The following TSPAN9 variants were observed in gnomAD, a reference collection of about 807,000 sequenced individuals.
The protein encoded by TSPAN9 is tetraspanin 9.
TSPAN9 carries 16 observed loss-of-function variants against 31.0 expected under a neutral mutation model. That is an observed-to-expected ratio of 0.52 (90% CI 0.35 to 0.78). The LOEUF is 0.78. Ranked by LOEUF, TSPAN9 falls within the 30% of genes least tolerant of loss-of-function variation. The probability of loss-of-function intolerance (pLI) is 0.01; values close to 1 mark genes in which losing one functional copy is unlikely to be tolerated. For synonymous variants in TSPAN9, 145 were observed against 121.6 expected (o/e 1.19, Z -1.27); for missense variants, 272 against 312.5 (o/e 0.87, Z 0.98).
chr12:3,104,269 A>G (rs1337107381), intron 2 of TSPAN9, among the ~76,000 whole-genome samples: 1 of 152,114 alleles, frequency 6.6e-6, no homozygotes, highest in Admixed American at 6.5e-5. Flanking sequence ...GAGAGCTGGC[A>G]TACATTTCAA....
At chr12:3,088,031 C>T (rs10848790) in intron 2 of TSPAN9, among the ~76,000 whole-genome samples, 4,367 of 152,292 alleles carry the variant, frequency 0.029, 89 homozygotes, top group Middle Eastern at 0.051. Flanking sequence ...TCCCCAGCCC[C>T]GTCTCAGGGC....
At chr12:3,165,760 G>A (rs76405513) in intron 2 of TSPAN9, among the ~76,000 whole-genome samples, 1 of 152,140 alleles carries the variant, frequency 6.6e-6, no homozygotes, top group African/African-American at 2.4e-5. Flanking sequence ...ACTGAGCAGA[G>A]GTTTAATTTA....
At chr12:3,175,254 A>AGC (rs1258467215) in intron 2 of TSPAN9, among the ~76,000 whole-genome samples, 1 of 152,106 alleles carries the variant, frequency 6.6e-6, no homozygotes, top group African/African-American at 2.4e-5. Flanking sequence ...GTGGCACGAG[A>AGC]GCGGTCAGTC....
chr12:3,159,860 C>T (rs2153969346), intron 2 of TSPAN9, among the ~76,000 whole-genome samples: 1 of 152,314 alleles, frequency 6.6e-6, no homozygotes, highest in African/African-American at 2.4e-5. Context: ...TTGGACTCAG[C>T]CTCCAGAATC....
chr12:3,086,257 C>G (rs1460356421), intron 2 of TSPAN9, among the ~76,000 whole-genome samples: 1 of 152,128 alleles, frequency 6.6e-6, no homozygotes, highest in African/African-American at 2.4e-5. Flanking sequence ...AGAAGAACCC[C>G]TTTGCTGGCA....
chr12:3,185,242 A>G (rs951274655), intron 2 of TSPAN9, among the ~76,000 whole-genome samples: 1 of 152,146 alleles, frequency 6.6e-6, no homozygotes, highest in African/African-American at 2.4e-5. Flanking sequence ...CTCGGCGGAT[A>G]AGCTATCTCA....
intron 2 of TSPAN9, among the ~76,000 whole-genome samples, chr12:3,133,316 T>A (rs1290472575): frequency 1.3e-5 from 2 of 152,182 alleles, no homozygotes; most frequent in Admixed American, 6.5e-5. Context: ...AAGTACACAG[T>A]TTGGTCATCT....
intron 3 of TSPAN9, among the ~76,000 whole-genome samples, chr12:3,225,678 C>T (rs2098386840): frequency 2.0e-5 from 3 of 152,082 alleles, no homozygotes; most frequent in Admixed American, 6.5e-5. Context: ...CGGCCCCCCG[C>T]CCTCCACAAT....
chr12:3,281,004 A>C (rs1360197746), intron 6 of TSPAN9, among the ~76,000 whole-genome samples, 194 bp from the exon 7 acceptor site: 2 of 152,150 alleles, frequency 1.3e-5, no homozygotes, highest in Admixed American at 1.3e-4. Context: ...TCCAGGAAGG[A>C]GTGCTCACTC....
chr12:3,143,732 A>G lies in TSPAN9; in HGVS notation c.-17-57445A>G, dbSNP rs990764757. 6.6e-6 allele frequency among the ~76,000 whole-genome samples: 1 copy of G among 152,232 alleles called. No homozygotes were observed. Among genetic ancestry groups the G allele is most frequent in the Admixed American group, 6.5e-5 (1 of 15,288 alleles). ...TTGGCCATGGGAAGCTCTAGGGAGC[A>G]CTTTCAGATGGGCTTCTGTGCCCTT... On this transcript the variant is annotated intron_variant, in intron 2 of 8. Coordinates refer to ENST00000011898, the MANE Select transcript of TSPAN9 (RefSeq NM_006675.5). This position sits in a 1 kb window ranked among gnomAD's most constrained non-coding sequence, Gnocchi z 4.2.
At chr12:3,159,874 A>G (rs2098344111) in intron 2 of TSPAN9, among the ~76,000 whole-genome samples, 1 of 152,248 alleles carries the variant, frequency 6.6e-6, no homozygotes, top group Non-Finnish European at 1.5e-5. Context: ...CAGAATCATG[A>G]GAAAATAAAC....
chr12:3,096,979 A>G (rs1036602474), intron 2 of TSPAN9, among the ~76,000 whole-genome samples: 3 of 152,072 alleles, frequency 2.0e-5, no homozygotes, highest in African/African-American at 4.8e-5. Flanking sequence ...ATTACAGAGG[A>G]TCTTTCTTAA....
chr12:3,088,441 A>C (rs1170465238), intron 2 of TSPAN9, among the ~76,000 whole-genome samples: 4 of 137,758 alleles, frequency 2.9e-5, no homozygotes, highest in Non-Finnish European at 6.3e-5. Context: ...GCTGCTGGGG[A>C]TGGGTGGGGC....
At chr12:3,231,670 C>T (rs1370301272) in intron 3 of TSPAN9, among the ~76,000 whole-genome samples, 5 of 152,242 alleles carry the variant, frequency 3.3e-5, no homozygotes, top group Admixed American at 6.5e-5. Context: ...AACAGATGTT[C>T]GCTTTGGAGC....
intron 3 of TSPAN9, among the ~76,000 whole-genome samples, chr12:3,224,519 G>GCTGGGGGCA (rs1406323835): frequency 9.9e-5 from 15 of 152,258 alleles, no homozygotes; most frequent in Non-Finnish European, 2.1e-4. Flanking sequence ...GGCGGAATCA[G>GCTGGGGGCA]GACCCAGGCC....
chr12:3,283,041 T>C lies in TSPAN9; in HGVS notation c.649-4T>C, dbSNP rs772226231. 6.2e-7 allele frequency: 1 copy of C among 1,607,918 alleles called. No homozygotes were observed. The highest frequency in any genetic ancestry group is 1.7e-5 in the Admixed American group (1 of 60,016). On this transcript the variant is annotated splice_region_variant and splice_polypyrimidine_tract_variant and intron_variant, in intron 8 of 8. Transcript: ENST00000011898. ...TGCCTCAGGCCCCTCCCCGTGTCTT[T>C]CAGATCCTGGGCATGGCCTTCTCCA...
chr12:3,201,328 C>T (rs1468242796), intron 3 of TSPAN9, 72 bp downstream of exon 3: 2 of 1,404,200 alleles, frequency 1.4e-6, no homozygotes, highest in Non-Finnish European at 2.0e-6. Context: ...TGAATACCCT[C>T]TCCCTCTTCT....
intron 3 of TSPAN9, among the ~76,000 whole-genome samples, chr12:3,234,956 C>T (rs375930122): frequency 6.7e-6 from 1 of 149,162 alleles, no homozygotes; most frequent in Non-Finnish European, 1.5e-5. Flanking sequence ...GTCAGGAGAT[C>T]GAGACCATCC....
At position 3,255,029 on chromosome 12, in the gene TSPAN9, C is replaced by T. The variant is rs114166305; in HGVS notation, c.64-23392C>T. Among the ~76,000 whole-genome samples, 189 of 152,306 alleles carry T rather than the reference C, an allele frequency of 1.2e-3. 1 individual carries two copies. The highest frequency in any genetic ancestry group is 4.4e-3 in the African/African-American group (182 of 41,580). On this transcript the variant is annotated intron_variant, in intron 3 of 8. Transcript: ENST00000011898. ...GTCGCCAAGAGATTGGCTTTGACGC[C>T]AATCTCCCCACCCTGTGAGCTTCCT... is the stretch of plus-strand genomic sequence containing the variant.
Sources: allele counts gnomAD v4.1 joint callset (sites outside exome capture counted in the v4.1 genomes callset), GRCh38; gene constraint gnomAD v4.1.1; non-coding constraint Gnocchi (gnomAD v3.1); transcripts MANE v1.5; gene names NCBI Gene and HGNC (gene_info 2026-07-23, HGNC 2026-07-21).